Variants in SORCS3 observed in about 807,000 individuals in gnomAD.
SORCS3 encodes the protein VPS10 domain-containing receptor SorCS3.
Under a neutral mutation model 146.3 loss-of-function variants are expected in SORCS3, and 57 were observed. That is an observed-to-expected ratio of 0.39 (90% confidence interval 0.31 to 0.49). The LOEUF (loss-of-function observed/expected upper bound fraction) is 0.49, where lower values mean the gene tolerates loss of function less well. SORCS3 is among the 20% of genes least tolerant of loss of function. The probability of loss-of-function intolerance (pLI) is 0.92; values close to 1 mark genes in which losing one functional copy is unlikely to be tolerated. For synonymous variants in SORCS3, 653 were observed against 618.5 expected (o/e 1.06, Z -0.83); for missense variants, 1,341 against 1,575.5 (o/e 0.85, Z 2.52).
intron 14 of SORCS3, among the ~76,000 whole-genome samples, chr10:105,192,505 T>C (rs1385765618): frequency 6.6e-6 from 1 of 152,136 alleles, no homozygotes; most frequent in East Asian, 1.9e-4. Flanking sequence ...GAAGATGTTA[T>C]TCCGGCAGAT....
intron 4 of SORCS3, among the ~76,000 whole-genome samples, chr10:105,023,811 C>G: frequency 6.6e-6 from 1 of 151,742 alleles, no homozygotes; most frequent in East Asian, 1.9e-4. Flanking sequence ...GGTTGCTGAG[C>G]AATGCAGTGA....
At chr10:104,956,827 G>A (rs1172763451) in intron 3 of SORCS3, among the ~76,000 whole-genome samples, 1 of 152,070 alleles carries the variant, frequency 6.6e-6, no homozygotes, top group Non-Finnish European at 1.5e-5. Context: ...TAAACCCAAA[G>A]GTGATGAGAT....
At chr10:104,889,001 A>G (rs2018721068) in intron 2 of SORCS3, among the ~76,000 whole-genome samples, 1 of 152,176 alleles carries the variant, frequency 6.6e-6, no homozygotes, top group Admixed American at 6.5e-5. Context: ...TAGGATTGTT[A>G]TGTCTTCTGG....
chr10:105,157,075 C>T, intron 9 of SORCS3, 63 bp from the exon 10 acceptor site: 1 of 1,582,724 alleles, frequency 6.3e-7, no homozygotes, highest in South Asian at 1.2e-5. Flanking sequence ...TCTCTAAGGG[C>T]TTCTCCAAGA....
At chr10:105,100,975 C>T (rs1190604926) in intron 6 of SORCS3, among the ~76,000 whole-genome samples, 3 of 152,226 alleles carry the variant, frequency 2.0e-5, no homozygotes, top group Admixed American at 6.5e-5. Flanking sequence ...GGCCAGTCTG[C>T]ACATAGTAAG....
At chr10:105,137,808 T>C (rs532425988) in intron 7 of SORCS3, among the ~76,000 whole-genome samples, 214 of 152,326 alleles carry the variant, frequency 1.4e-3, no homozygotes, top group African/African-American at 5.0e-3. Context: ...TTAAAAACTA[T>C]TGATCTAGTT....
chr10:105,157,064 T>C (rs2056215913), intron 9 of SORCS3, 74 bp from the exon 10 acceptor site: 2 of 1,539,370 alleles, frequency 1.3e-6, no homozygotes, highest in Admixed American at 3.9e-5. Flanking sequence ...ATTCTGCGGC[T>C]TCTCTAAGGG....
At chr10:105,119,721 A>G (rs954559833) in intron 7 of SORCS3, among the ~76,000 whole-genome samples, 1 of 152,160 alleles carries the variant, frequency 6.6e-6, no homozygotes, top group Admixed American at 6.5e-5. Flanking sequence ...TCGGACTTGC[A>G]TGGGGCCTGT....
chr10:104,941,257 C>T (rs1404899889), intron 3 of SORCS3, among the ~76,000 whole-genome samples: 1 of 152,176 alleles, frequency 6.6e-6, no homozygotes, highest in Non-Finnish European at 1.5e-5. Context: ...GAATGCCTAA[C>T]CTCCTGGGAT....
chr10:104,899,320 A>G (rs534745065), intron 2 of SORCS3, among the ~76,000 whole-genome samples: 1 of 152,304 alleles, frequency 6.6e-6, no homozygotes, highest in Admixed American at 6.5e-5. Context: ...TTCCTGCCAT[A>G]TAAAAGGAAA....
intron 4 of SORCS3, among the ~76,000 whole-genome samples, chr10:105,015,507 CAAAGT>C (rs2055159631): frequency 6.6e-6 from 1 of 152,106 alleles, no homozygotes; most frequent in Admixed American, 6.6e-5. Context: ...AAAATCACAT[CAAAGT>C]AGGCTTTATA....
At chr10:105,257,071 G>A (rs2056936042) in intron 25 of SORCS3, 147 bp downstream of exon 25, 1 of 660,506 alleles carries the variant, frequency 1.5e-6, no homozygotes, top group Non-Finnish European at 2.7e-6. Context: ...AAGCAAGAAT[G>A]GTTGAGGGTC....
At chr10:104,932,295 A>C (rs2019215937) in intron 3 of SORCS3, among the ~76,000 whole-genome samples, 1 of 152,164 alleles carries the variant, frequency 6.6e-6, no homozygotes, top group African/African-American at 2.4e-5. Context: ...GTAGCTATAA[A>C]GATTGTTTCT....
At chr10:105,024,220 TGTGA>T (rs1404699041) in intron 4 of SORCS3, among the ~76,000 whole-genome samples, 1 of 152,180 alleles carries the variant, frequency 6.6e-6, no homozygotes, top group Non-Finnish European at 1.5e-5. Flanking sequence ...AAAAGTAAAC[TGTGA>T]GTGAGAGTAA....
intron 1 of SORCS3, among the ~76,000 whole-genome samples, chr10:104,691,279 G>A (rs1352477953): frequency 1.3e-5 from 2 of 152,218 alleles, no homozygotes; most frequent in African/African-American, 4.8e-5. Flanking sequence ...CCCTATGATG[G>A]GGGTGAGGGT....
At chr10:105,253,493 C>T (rs1014026174) in intron 23 of SORCS3, among the ~76,000 whole-genome samples, 5 of 152,180 alleles carry the variant, frequency 3.3e-5, no homozygotes, top group African/African-American at 9.7e-5. Context: ...GTGATCTGCA[C>T]GCTGTCCTGG....
intron 6 of SORCS3, among the ~76,000 whole-genome samples, chr10:105,102,141 G>A (rs2055789353): frequency 6.6e-6 from 1 of 152,188 alleles, no homozygotes; most frequent in African/African-American, 2.4e-5. Flanking sequence ...CAGGGAATGA[G>A]GGTAAGAAAG....
rs1005073969 is a variant in SORCS3, at chr10:105,243,075, A to G, written c.2869-2467A>G. ...TATTTATATATTTATATATATTTAT[A>G]TATATATATTTAGCCATTCTGTTGG... On this transcript the variant is annotated intron_variant, in intron 20 of 26. Transcript: ENST00000369701. Among the ~76,000 whole-genome samples, 19 of 138,222 alleles carry G rather than the reference A, an allele frequency of 1.4e-4. No individual in the cohort carries two copies. The South Asian group carries it at 4.1e-3, about 30-fold the overall frequency. 90.7% of individuals were successfully genotyped at this position (138,222 alleles called of 152,430 possible).
intron 1 of SORCS3, among the ~76,000 whole-genome samples, chr10:104,791,847 T>G (rs1279660578): frequency 6.6e-6 from 1 of 152,188 alleles, no homozygotes; most frequent in Non-Finnish European, 1.5e-5. Context: ...AGATTAGTTA[T>G]GAATGAAGAG....
Sources: gnomAD v4.1 joint callset for allele counts (sites outside exome capture counted in the v4.1 genomes callset) on GRCh38, gnomAD v4.1.1 for gene constraint, MANE v1.5 for transcripts, NCBI Gene and HGNC (gene_info 2026-07-23, HGNC 2026-07-21) for gene names.